Variants in LRRC32 observed in about 807,000 individuals in gnomAD.
The protein encoded by LRRC32 is transforming growth factor beta activator LRRC32.
Under a neutral mutation model 15.0 loss-of-function variants are expected in LRRC32, and 5 were observed. The observed-to-expected ratio is 0.33, with a 90% CI of 0.17 to 0.70. The LOEUF (loss-of-function observed/expected upper bound fraction) is 0.70. LRRC32 is among the 30% of genes least tolerant of loss of function. The pLI is 0.66. For missense variants in LRRC32, 803 were observed against 854.2 expected (o/e 0.94, Z 0.75); for synonymous variants, 391 against 403.9 (o/e 0.97, Z 0.38).
Position 76,659,784 on chromosome 11 carries a change from G to A in LRRC32, c.1809C>T (p.Ser603=), listed in dbSNP as rs1268681629. ...GGCTCAGGGACACCTCCTCCTGGGA[G>A]CTGAAGCGGCAGATCAGGTCCTGGG... ...DATQDLICRF[S]SQEEVSLSHV... The change falls in exon 3 of 3, where the codon AGC becomes AGT. Residue 603 remains serine, a synonymous_variant. Transcript: ENST00000260061. 1.2e-6 allele frequency: 2 copies of A among 1,614,216 alleles called. No homozygotes were observed. Among genetic ancestry groups the A allele is most frequent in the South Asian group, 1.1e-5 (1 of 91,086 alleles).
Position 76,670,736 on chromosome 11 carries a change from A to G in LRRC32, c.-127T>C, listed in dbSNP as rs1017700165. On this transcript the variant is annotated 5_prime_UTR_variant, in exon 1 of 3. Transcript: ENST00000260061. ...CGGCCCGAGGAGGAGCAGGCCGCTC[A>G]GCTGCCCCACCGGAGCCCCCGCGCT... The G allele has an allele frequency of 5.2e-4, 79 of 152,218 alleles. No individual in the cohort carries two copies. Among genetic ancestry groups the G allele is most frequent in the African/African-American group, 1.7e-3 (72 of 41,542 alleles). The allele number at this position is 152,218 out of a possible 1,614,324, so 9.4% of individuals were successfully genotyped here. A position where few individuals can be genotyped will look rare whatever the true frequency, so the allele number is the denominator to read the frequency against.
At chr11:76,667,128 G>C (rs1952638573) in intron 1 of LRRC32, among the ~76,000 whole-genome samples, 1 of 152,224 alleles carries the variant, frequency 6.6e-6, no homozygotes, top group African/African-American at 2.4e-5. Flanking sequence ...CACCTACAGA[G>C]CCTCCATTAT....
chr11:76,661,567 C>T, intron 2 of LRRC32, 59 bp from the exon 3 acceptor site: 1 of 1,492,404 alleles, frequency 6.7e-7, no homozygotes, highest in South Asian at 1.4e-5. Flanking sequence ...GGGGATGAAA[C>T]CAGACATGTT....
At chr11:76,662,688 A>T (rs1057143536) in intron 2 of LRRC32, 2 of 152,490 alleles carry the variant, frequency 1.3e-5, no homozygotes, top group African/African-American at 4.8e-5. Flanking sequence ...CACCGGGCTC[A>T]GGCTCACCGC....
In LRRC32 at chr11:76,660,064, A is replaced by G. The variant is rs1354212436; in HGVS notation, c.1529T>C (p.Leu510Pro). ...GNGLMVLQVD[L>P]PCFICLKRLN... is the part of the protein sequence containing the mutation. Reference sequence around the variant, plus strand: ...CCGCTTGAGGCAGATGAAGCAGGGCAGGTCCACCTGCAGGACCATCAGCCC... The same window carrying G: ...CCGCTTGAGGCAGATGAAGCAGGGCGGGTCCACCTGCAGGACCATCAGCCC... The change falls in exon 3 of 3, where the codon CTG becomes CCG. Residue 510 changes from leucine (L) to proline (P), a missense_variant. Leu to Pro is a moderately conservative substitution (Grantham distance 98, BLOSUM62 -3). Coordinates refer to ENST00000260061, the MANE Select transcript of LRRC32 (RefSeq NM_001128922.2). 1 of 1,614,114 alleles carries G rather than the reference A, an allele frequency of 6.2e-7. No homozygotes were observed. The highest frequency in any genetic ancestry group is 2.2e-5 in the East Asian group (1 of 44,886).
Position 76,659,864 on chromosome 11 carries a change from C to T in LRRC32, c.1729G>A (p.Gly577Ser), listed in dbSNP as rs1952480882. ...AGCTGGGCTGCCAGCCAGCCATTGC[C>T]GCAGCAGCTGAGTGGATTCCCCTGC... The part of the protein sequence containing the change: ...YLQGNPLSCC[G>S]NGWLAAQLHQ... The change falls in exon 3 of 3, where the codon GGC becomes AGC. Residue 577 changes from glycine to serine, a missense_variant. Physicochemically the swap from Gly to Ser is moderately conservative, Grantham distance 56. Transcript: ENST00000260061. The T allele has an allele frequency of 6.8e-6, 11 of 1,614,014 alleles. No individual in the cohort carries two copies. Among genetic ancestry groups the T allele is most frequent in the Non-Finnish European group, 7.6e-6 (9 of 1,180,022 alleles).
In LRRC32 at chr11:76,670,276, G is replaced by A. The variant is rs766189883; in HGVS notation, c.-5+338C>T. 2.0e-5 allele frequency among the ~76,000 whole-genome samples: 3 copies of A among 152,212 alleles called. No individual in the cohort carries two copies. The East Asian group carries it at 5.8e-4, about 29-fold the overall frequency. ...GGCAGCCCCACGCCTGGCTGGGATC[G>A]GAGCGTTGCAGGAAACCTGAATTCA... On this transcript the variant is annotated intron_variant, in intron 1 of 2. Transcript: ENST00000260061.
chr11:76,664,748 G>T (rs750354975), intron 2 of LRRC32, among the ~76,000 whole-genome samples: 1 of 152,148 alleles, frequency 6.6e-6, no homozygotes, highest in Non-Finnish European at 1.5e-5. Flanking sequence ...TCTGCCTGTT[G>T]GGTAGTCAAG....
chr11:76,667,594 G>A (rs978844729), intron 1 of LRRC32, among the ~76,000 whole-genome samples: 1 of 152,252 alleles, frequency 6.6e-6, no homozygotes, highest in Non-Finnish European at 1.5e-5. Context: ...CCCTGCAGCT[G>A]CTCTGCTCTC....
chr11:76,667,716 C>T (rs984413412), intron 1 of LRRC32, among the ~76,000 whole-genome samples: 5 of 152,266 alleles, frequency 3.3e-5, no homozygotes, highest in East Asian at 1.9e-4. Context: ...AAAACCCCTC[C>T]GGCAGGGCCT....
In LRRC32 at chr11:76,659,469, C is replaced by T; in HGVS notation, c.*135G>A. On this transcript the variant is annotated 3_prime_UTR_variant, in exon 3 of 3. Coordinates refer to ENST00000260061, the MANE Select transcript of LRRC32 (RefSeq NM_001128922.2). Reference sequence around the variant, plus strand: ...GGTCACCCACTGATGCAGCAGGCGGCAGAGAAAGGTGTCCTGGGCTGTAAT... The same window carrying T: ...GGTCACCCACTGATGCAGCAGGCGGTAGAGAAAGGTGTCCTGGGCTGTAAT... 1 of 957,106 alleles carries T rather than the reference C, an allele frequency of 1.0e-6. No individual in the cohort carries two copies. The highest frequency in any genetic ancestry group is 1.5e-6 in the Non-Finnish European group (1 of 661,054). The allele number at this position is 957,106 out of a possible 1,614,324, so 59.3% of individuals were successfully genotyped here. A position where few individuals can be genotyped will look rare whatever the true frequency, so the allele number is the denominator to read the frequency against.
chr11:76,668,799 C>A (rs1590774226), intron 1 of LRRC32, among the ~76,000 whole-genome samples: 1 of 152,258 alleles, frequency 6.6e-6, no homozygotes, highest in East Asian at 1.9e-4. Context: ...GCCCTTATTT[C>A]CCCTTCCTCT....
At chr11:76,670,360 A>G (rs1486853349) in intron 1 of LRRC32, among the ~76,000 whole-genome samples, 1 of 152,150 alleles carries the variant, frequency 6.6e-6, no homozygotes, top group Non-Finnish European at 1.5e-5. Flanking sequence ...TCTTCAGGCC[A>G]TTGTTTTCCC....
intron 2 of LRRC32, among the ~76,000 whole-genome samples, chr11:76,664,989 T>C (rs1412622672): frequency 6.6e-6 from 1 of 152,200 alleles, no homozygotes; most frequent in African/African-American, 2.4e-5. Context: ...TGTCATAAGC[T>C]TCTTCGAGTC....
In LRRC32 at chr11:76,665,906, C is replaced by G. The variant is rs1366400291; in HGVS notation, c.49G>C (p.Ala17Pro). 3 of 1,614,070 alleles carry G rather than the reference C, an allele frequency of 1.9e-6. No homozygotes were observed. Among genetic ancestry groups the G allele is most frequent in the South Asian group, 2.2e-5 (2 of 91,080 alleles). Reference protein sequence around the residue: ...LLLALLTLGLAAQHQDKVPCK... With the variant: ...LLLALLTLGLPAQHQDKVPCK... ...GGCACTTTGTCTTGGTGTTGTGCAG[C>G]CAGGCCTAGGGTCAGCAGGGCCAGG... The change falls in exon 2 of 3, where the codon GCT (alanine) becomes CCT (proline). Residue 17 changes from alanine to proline, a missense_variant. Ala to Pro is a conservative substitution (Grantham distance 27). Coordinates refer to ENST00000260061, the MANE Select transcript of LRRC32 (RefSeq NM_001128922.2).
In LRRC32 at chr11:76,661,512, G is replaced by T; in HGVS notation, c.85-4C>A. Reference sequence around the variant, plus strand: ...GGCACGAGACCTTCTTGTCCACCTGGGGAGGGGTAGGGTGGGGAGACAGCT... The same window carrying T: ...GGCACGAGACCTTCTTGTCCACCTGTGGAGGGGTAGGGTGGGGAGACAGCT... On this transcript the variant is annotated splice_region_variant and splice_polypyrimidine_tract_variant and intron_variant, in intron 2 of 2. Coordinates refer to ENST00000260061, the MANE Select transcript of LRRC32 (RefSeq NM_001128922.2). 2 of 1,586,052 alleles carry T rather than the reference G, an allele frequency of 1.3e-6. No individual in the cohort carries two copies. The highest frequency in any genetic ancestry group is 4.6e-5 in the East Asian group (2 of 43,906).
Position 76,661,102 on chromosome 11 carries a change from A to T in LRRC32, c.491T>A (p.Leu164His). 6.2e-7 allele frequency: 1 copy of T among 1,613,324 alleles called. No individual in the cohort carries two copies. Among genetic ancestry groups the T allele is most frequent in the Non-Finnish European group, 8.5e-7 (1 of 1,179,826 alleles). Reference sequence around the variant, plus strand: ...CATGTCCCGGAAGGTGTGGCGGGTGAGGCGAGTCAGACTGTTCTCCGCCAG... The same window carrying T: ...CATGTCCCGGAAGGTGTGGCGGGTGTGGCGAGTCAGACTGTTCTCCGCCAG... Reference protein sequence around the residue: ...LSLAENSLTRLTRHTFRDMPA... With the variant: ...LSLAENSLTRHTRHTFRDMPA... Residue 164 changes from leucine (L) to histidine (H), a missense_variant, in exon 3 of 3, where the codon CTC (leucine) becomes CAC (histidine). Coordinates refer to ENST00000260061, the MANE Select transcript of LRRC32 (RefSeq NM_001128922.2).
chr11:76,659,561 T>C lies in LRRC32; in HGVS notation c.*43A>G. On this transcript the variant is annotated 3_prime_UTR_variant, in exon 3 of 3. Transcript: ENST00000260061. Reference sequence around the variant, plus strand: ...TTGAGTCAGTCCTCACTCTTCTCTGTACCTCAGGCTCCCCCACTGACCTAG... The same window carrying C: ...TTGAGTCAGTCCTCACTCTTCTCTGCACCTCAGGCTCCCCCACTGACCTAG... The C allele has an allele frequency of 6.3e-7, 1 of 1,585,514 alleles. No individual in the cohort carries two copies. The highest frequency in any genetic ancestry group is 1.2e-5 in the South Asian group (1 of 86,550).
Position 76,660,497 on chromosome 11 carries a change from T to A in LRRC32, c.1096A>T (p.Met366Leu). 6.2e-7 allele frequency: 1 copy of A among 1,614,076 alleles called. No individual in the cohort carries two copies. Among genetic ancestry groups the A allele is most frequent in the Non-Finnish European group, 8.5e-7 (1 of 1,180,002 alleles). ...ARRLGSLPCL[M>L]LLDLSHNALE... Reference sequence around the variant, plus strand: ...GCATTGTGGCTTAAGTCAAGGAGCATCAGGCAGGGCAGGGAGCCTAAGCGC... The same window carrying A: ...GCATTGTGGCTTAAGTCAAGGAGCAACAGGCAGGGCAGGGAGCCTAAGCGC... Residue 366 changes from methionine to leucine, a missense_variant, in exon 3 of 3, where the codon ATG becomes TTG. Met to Leu is a conservative substitution (Grantham distance 15). Transcript: ENST00000260061.
Sources: allele counts gnomAD v4.1 joint callset (sites outside exome capture counted in the v4.1 genomes callset), GRCh38; gene constraint gnomAD v4.1.1; transcripts MANE v1.5; gene names NCBI Gene and HGNC (gene_info 2026-07-23, HGNC 2026-07-21).